Variants in HSPA8 observed in about 807,000 individuals in gnomAD.
HSPA8 encodes the protein heat shock cognate 71 kDa protein.
A neutral mutation model predicts 52.8 loss-of-function variants in HSPA8; 2 were observed. That is an observed-to-expected ratio of 0.04 (90% confidence interval 0.02 to 0.12). The LOEUF (loss-of-function observed/expected upper bound fraction) is 0.12, where lower values mean the gene tolerates loss of function less well. Among genes scored for constraint, HSPA8 ranks in the 10% least tolerant of loss-of-function variants. The pLI is 1.00. For synonymous variants in HSPA8, 436 were observed against 274.0 expected, an observed-to-expected ratio of 1.59 and a Z score of -5.84; for missense variants, 349 against 800.5, an observed-to-expected ratio of 0.44 and a Z score of 6.81.
In HSPA8 at chr11:123,058,698, G is replaced by C; in HGVS notation, c.1456C>G (p.Leu486Val). Residue 486 changes from leucine to valine, a missense_variant, in exon 7 of 9, where the codon CTC becomes GTC. By Grantham distance (32) the Leu-to-Val change is conservative (BLOSUM62 1). Transcript: ENST00000534624. ...CTCTTGTCCACAGCAGAGACATTGA[G>C]TATACCATTGGCATCAATGTCAAAA... ...VTFDIDANGILNVSAVDKSTG... is the reference protein window; with the variant it reads ...VTFDIDANGIVNVSAVDKSTG... 1 of 1,613,668 alleles carries C rather than the reference G, an allele frequency of 6.2e-7. No homozygotes were observed. Among genetic ancestry groups the C allele is most frequent in the Non-Finnish European group, 8.5e-7 (1 of 1,179,720 alleles).
intron 5 of HSPA8, 52 bp downstream of exon 5, chr11:123,059,420 CG>C: frequency 6.8e-7 from 1 of 1,481,432 alleles, no homozygotes; most frequent in African/African-American, 1.4e-5. Flanking sequence ...CTCATCACAG[CG>C]AGTCACCTTG....
chr11:123,057,950 TTC>T (rs1865356172), intron 8 of HSPA8, 31 bp from the exon 9 acceptor site: 1 of 1,525,224 alleles, frequency 6.6e-7, no homozygotes, highest in Admixed American at 1.9e-5. Flanking sequence ...TTACTGCAAG[TTC>T]TTTTAATGTT....
At chr11:123,058,028 G>T (rs559527654) in intron 8 of HSPA8, 109 bp from the exon 9 acceptor site, 1 of 866,946 alleles carries the variant, frequency 1.2e-6, no homozygotes, top group African/African-American at 1.7e-5. Context: ...TTACAAGAGG[G>T]CCACTACCAA....
At chr11:123,058,931 A>G (rs763172186) in intron 6 of HSPA8, 101 bp from the exon 7 acceptor site, 2 of 1,389,310 alleles carry the variant, frequency 1.4e-6, no homozygotes, top group Non-Finnish European at 2.0e-6. Flanking sequence ...CCAAGGAAGG[A>G]ACTGGCCAAC....
In HSPA8 at chr11:123,061,643, G is replaced by A. The variant is rs1865506820; in HGVS notation, c.-5-314C>T. Reference sequence around the variant, plus strand: ...TCGCCAGGTGCCAGTGCCCCCGGGAGTCAACGGGCTTTTAACTACTCCGGA... The same window carrying A: ...TCGCCAGGTGCCAGTGCCCCCGGGAATCAACGGGCTTTTAACTACTCCGGA... On this transcript the variant is annotated intron_variant, in intron 1 of 8. Transcript: ENST00000534624. 9 of 417,736 alleles carry A rather than the reference G, an allele frequency of 2.2e-5. 1 individual carries two copies. The highest frequency in any genetic ancestry group is 1.2e-4 in the South Asian group (5 of 42,200). The allele number at this position is 417,736 out of a possible 1,614,324, so 25.9% of individuals were successfully genotyped here. A position where few individuals can be genotyped will look rare whatever the true frequency, so the allele number is the denominator to read the frequency against.
intron 2 of HSPA8, 80 bp downstream of exon 2, chr11:123,061,040 G>A: frequency 7.9e-7 from 1 of 1,273,352 alleles, no homozygotes; most frequent in South Asian, 1.2e-5. Flanking sequence ...AAATCAAAAA[G>A]TTCCCTCCTC....
At position 123,060,258 on chromosome 11, in the gene HSPA8, T is replaced by C. The variant is rs569651128; in HGVS notation, c.422A>G (p.Asn141Ser). 8 of 1,613,270 alleles carry C rather than the reference T, an allele frequency of 5.0e-6. No homozygotes were observed. Among genetic ancestry groups the C allele is most frequent in the East Asian group, 2.2e-5 (1 of 44,882 alleles). ...AEAYLGKTVT[N>S]AVVTVPAYFN... ...GTAAGCTGGCACTGTGACCACAGCA[T>C]TGGTAACAGTCTAGGAATAAGGAAA... The change falls in exon 4 of 9, where the codon AAT (asparagine) becomes AGT (serine). Residue 141 changes from asparagine (N) to serine (S), a missense_variant. Asn to Ser is a conservative substitution (Grantham distance 46). Transcript: ENST00000534624.
chr11:123,058,544 G>C (rs545351013), intron 7 of HSPA8, 60 bp from the exon 8 acceptor site: 68 of 1,580,564 alleles, frequency 4.3e-5, no homozygotes, highest in Non-Finnish European at 2.6e-6. Flanking sequence ...TGTAACTCTA[G>C]TTTCTCTTAG....
Position 123,058,401 on chromosome 11 carries a change from C to A in HSPA8, c.1606G>T (p.Val536Leu). ...KAEDEKQRDK[V>L]SSKNSLESYA... is the part of the protein sequence containing the mutation. ...GACTCAAGTGAATTCTTGGATGACA[C>A]CTTGTCCCTCTGCTTCTCATCTTCA... is the stretch of plus-strand genomic sequence containing the variant. The change falls in exon 8 of 9, where the codon GTG becomes TTG. Residue 536 changes from valine (V) to leucine (L), a missense_variant. Coordinates refer to ENST00000534624, the MANE Select transcript of HSPA8 (RefSeq NM_006597.6). The A allele has an allele frequency of 6.2e-7, 1 of 1,613,896 alleles. No individual in the cohort carries two copies. Among genetic ancestry groups the A allele is most frequent in the Non-Finnish European group, 8.5e-7 (1 of 1,179,906 alleles).
Position 123,058,949 on chromosome 11 carries a change from T to G in HSPA8, c.1323+110A>C, listed in dbSNP as rs1865403320. ...AGGAAGGAACTGGCCAACATAAGAC[T>G]TTCTGGTGGAAACTACGAATGGTTT... On this transcript the variant is annotated intron_variant, in intron 6 of 8. Coordinates refer to ENST00000534624, the MANE Select transcript of HSPA8 (RefSeq NM_006597.6). 7 of 1,393,750 alleles carry G rather than the reference T, an allele frequency of 5.0e-6. No homozygotes were observed. In the South Asian group the frequency reaches 7.1e-5, roughly 14 times the overall value. The allele number at this position is 1,393,750 out of a possible 1,614,324, so 86.3% of individuals were successfully genotyped here. A position where few individuals can be genotyped will look rare whatever the true frequency, so the allele number is the denominator to read the frequency against.
intron 2 of HSPA8, 139 bp downstream of exon 2, chr11:123,060,981 C>G: frequency 1.1e-6 from 1 of 915,524 alleles, no homozygotes; most frequent in Admixed American, 2.4e-5. Flanking sequence ...GTTTCTACAA[C>G]CTGTTTTATA....
Position 123,059,663 on chromosome 11 carries a change from G to A in HSPA8, c.930C>T (p.Phe310=). 1 of 1,614,098 alleles carries A rather than the reference G, an allele frequency of 6.2e-7. No individual in the cohort carries two copies. The highest frequency in any genetic ancestry group is 8.5e-7 in the Non-Finnish European group (1 of 1,179,982). Residue 310 remains phenylalanine, a synonymous_variant, in exon 5 of 9, where the codon TTC becomes TTT. Coordinates refer to ENST00000534624, the MANE Select transcript of HSPA8 (RefSeq NM_006597.6). The stretch of plus-strand genomic sequence containing the variant: ...TCTCTACTGGGTCCAGGGTGCCACG[G>A]AACAGGTCAGCATTCAGTTCTTCAA... ...ARFEELNADL[F]RGTLDPVEKA...
In HSPA8 at chr11:123,057,592, G is replaced by A. The variant is rs1865342574; in HGVS notation, c.*142C>T. ...TGTTATTTCCTTCCCCTGTGCATAT[G>A]TTCCATATTCAAGTATTGAGAATGC... On this transcript the variant is annotated 3_prime_UTR_variant, in exon 9 of 9. Transcript: ENST00000534624. The A allele has an allele frequency of 5.0e-6, 3 of 598,800 alleles. No homozygotes were observed. Among genetic ancestry groups the A allele is most frequent in the African/African-American group, 1.9e-5 (1 of 52,870 alleles). The allele number at this position is 598,800 out of a possible 1,614,324, so 37.1% of individuals were successfully genotyped here.
chr11:123,061,538 G>C, intron 1 of HSPA8: 4 of 591,310 alleles, frequency 6.8e-6, no homozygotes, highest in Non-Finnish European at 1.2e-5. Context: ...CCTAGATGAA[G>C]GACCCATCTA....
intron 5 of HSPA8, 66 bp downstream of exon 5, chr11:123,059,403 ACAAT>A: frequency 7.3e-7 from 1 of 1,374,050 alleles, no homozygotes; most frequent in Non-Finnish European, 1.0e-6. Context: ...CGAATGTTTA[ACAAT>A]CACTCATCAC....
chr11:123,062,014 A>C (rs1865525764), intron 1 of HSPA8, 50 bp downstream of exon 1: 1 of 153,580 alleles, frequency 6.5e-6, no homozygotes, highest in South Asian at 2.0e-4. Flanking sequence ...GCCTGTGTGG[A>C]GGCTGCACGC....
At chr11:123,061,399 A>C (rs1865495574) in intron 1 of HSPA8, 70 bp from the exon 2 acceptor site, 2 of 1,231,406 alleles carry the variant, frequency 1.6e-6, no homozygotes, top group East Asian at 5.0e-5. Flanking sequence ...TTAACAGAAC[A>C]CTTAACCAGG....
Position 123,061,047 on chromosome 11 carries a change from C to T in HSPA8, c.205+73G>A. 2.3e-6 allele frequency: 3 copies of T among 1,332,580 alleles called. 1 individual carries two copies. Among genetic ancestry groups the T allele is most frequent in the Non-Finnish European group, 3.2e-6 (3 of 933,124 alleles). 82.5% of individuals were successfully genotyped at this position (1,332,580 alleles called of 1,614,324 possible). A position where few individuals can be genotyped will look rare whatever the true frequency, so the allele number is the denominator to read the frequency against. On this transcript the variant is annotated intron_variant, in intron 2 of 8. Coordinates refer to ENST00000534624, the MANE Select transcript of HSPA8 (RefSeq NM_006597.6). ...TTTTTCTAAAATCAAAAAGTTCCCTCCTCACGTTTCATAAACTTTTGTGCT... is the reference window on the plus strand; with the variant it reads ...TTTTTCTAAAATCAAAAAGTTCCCTTCTCACGTTTCATAAACTTTTGTGCT...
In HSPA8 at chr11:123,061,443, G is replaced by A. The variant is rs1204980483; in HGVS notation, c.-5-114C>T. The A allele has an allele frequency of 1.1e-5, 9 of 784,334 alleles. No homozygotes were observed. In the South Asian group the frequency reaches 1.2e-4, roughly 10 times the overall value. 48.6% of individuals were successfully genotyped at this position (784,334 alleles called of 1,614,324 possible). A position where few individuals can be genotyped will look rare whatever the true frequency, so the allele number is the denominator to read the frequency against. The stretch of plus-strand genomic sequence containing the variant: ...ATGGCCACTGCCAAGAGGTAATAGT[G>A]CCCATCACCTCCTGTCTAAGCACGC... On this transcript the variant is annotated intron_variant, in intron 1 of 8. Coordinates refer to ENST00000534624, the MANE Select transcript of HSPA8 (RefSeq NM_006597.6).
Sources: gnomAD v4.1 joint callset for allele counts on GRCh38, gnomAD v4.1.1 for gene constraint, MANE v1.5 for transcripts, NCBI Gene and HGNC (gene_info 2026-07-23, HGNC 2026-07-21) for gene names.